Variants in ADAMTS9 observed in about 807,000 individuals in gnomAD.
ADAMTS9 encodes ADAM metallopeptidase with thrombospondin type 1 motif 9.
ADAMTS9 carries 107 observed loss-of-function variants against 257.1 expected under a neutral mutation model. The ratio of observed to expected loss-of-function variants is 0.42; its 90% confidence interval spans 0.36 to 0.49. ADAMTS9 has a LOEUF of 0.49. Ranked by LOEUF, ADAMTS9 falls within the 20% of genes least tolerant of loss-of-function variation. The probability of loss-of-function intolerance (pLI) is 0.03; values close to 1 mark genes in which losing one functional copy is unlikely to be tolerated. For missense variants in ADAMTS9, 2,353 were observed against 2,469.1 expected, an observed-to-expected ratio of 0.95 and a Z score of 1.00; for synonymous variants, 982 against 880.9, an observed-to-expected ratio of 1.11 and a Z score of -2.03.
chr3:64,653,742 T>C (rs145966734), intron 8 of ADAMTS9, among the ~76,000 whole-genome samples: 35 of 152,304 alleles, frequency 2.3e-4, no homozygotes, highest in African/African-American at 7.2e-4. Context: ...TTTTGCCCCA[T>C]GTTCTAACCG....
At position 64,654,257 on chromosome 3, in the gene ADAMTS9, T is replaced by C; in HGVS notation, c.1316+96A>G. ...ACTCTACTATGACTCGGGAAGTCTC[T>C]TACACACTCGAAAGTCAAGTAAATG... On this transcript the variant is annotated intron_variant, in intron 8 of 39. Transcript: ENST00000498707. 1.1e-5 allele frequency: 14 copies of C among 1,241,508 alleles called. 1 individual carries two copies. In the South Asian group the frequency reaches 1.8e-4, roughly 16 times the overall value. The allele number at this position is 1,241,508 out of a possible 1,614,324, so 76.9% of individuals were successfully genotyped here. A position where few individuals can be genotyped will look rare whatever the true frequency, so the allele number is the denominator to read the frequency against.
intron 32 of ADAMTS9, among the ~76,000 whole-genome samples, chr3:64,546,189 C>T (rs1435611435): frequency 3.6e-4 from 54 of 151,748 alleles, no homozygotes; most frequent in Admixed American, 3.5e-3. Flanking sequence ...TATATATAGG[C>T]TGAGTATCCC....
At chr3:64,592,843 A>T (rs942973677) in intron 28 of ADAMTS9, 1 of 152,034 alleles carries the variant, frequency 6.6e-6, no homozygotes, top group African/African-American at 2.4e-5. Context: ...CTAAAACATA[A>T]CTCTGGTACT....
intron 23 of ADAMTS9, among the ~76,000 whole-genome samples, chr3:64,605,826 T>A (rs555854628): frequency 1.7e-4 from 26 of 152,324 alleles, no homozygotes; most frequent in Admixed American, 1.3e-3. Flanking sequence ...TGTACATATA[T>A]GCTTATTTAT....
At chr3:64,594,001 G>GTT (rs2084312657) in intron 28 of ADAMTS9, among the ~76,000 whole-genome samples, 1 of 144,232 alleles carries the variant, frequency 6.9e-6, no homozygotes. Context: ...GTGTGTGTGT[G>GTT]TATTTAGGCT....
At chr3:64,551,154 G>A in intron 30 of ADAMTS9, 92 bp from the exon 31 acceptor site, 2 of 1,394,478 alleles carry the variant, frequency 1.4e-6, no homozygotes, top group South Asian at 1.4e-5. Flanking sequence ...TAGCCTTTAA[G>A]ATCATAAGAG....
chr3:64,584,405 A>G (rs138264069), intron 28 of ADAMTS9, among the ~76,000 whole-genome samples: 1 of 152,148 alleles, frequency 6.6e-6, no homozygotes, highest in East Asian at 1.9e-4. Context: ...GAAAGAGAAA[A>G]TCATGGGAAA....
intron 31 of ADAMTS9, among the ~76,000 whole-genome samples, chr3:64,548,503 A>G (rs1413665227): frequency 6.6e-6 from 1 of 152,106 alleles, no homozygotes; most frequent in Non-Finnish European, 1.5e-5. Flanking sequence ...AGTCCATACT[A>G]ACTTAAACAA....
At chr3:64,557,001 CA>C (rs2083346375) in intron 30 of ADAMTS9, among the ~76,000 whole-genome samples, 1 of 152,138 alleles carries the variant, frequency 6.6e-6, no homozygotes, top group East Asian at 1.9e-4. Context: ...GAAAAACAGG[CA>C]ATGAGAATTC....
intron 3 of ADAMTS9, among the ~76,000 whole-genome samples, chr3:64,662,594 T>C (rs1701251115): frequency 6.6e-6 from 1 of 152,182 alleles, no homozygotes; most frequent in Admixed American, 6.5e-5. Context: ...ATCAGGTGCA[T>C]ACATGTTTAT....
Position 64,686,525 on chromosome 3 carries a change from C to A in ADAMTS9, c.516+43G>T, listed in dbSNP as rs1275391529. ...GACAATTAAGTCTTCTAGAAGCGGG[C>A]GAGGAGGCGGAAGGGGAGAGGAGGT... On this transcript the variant is annotated intron_variant, in intron 2 of 39. Coordinates refer to ENST00000498707, the MANE Select transcript of ADAMTS9 (RefSeq NM_182920.2). The surrounding 1 kb of genome is among the most constrained non-coding windows in gnomAD (Gnocchi z 4.6). 3 of 1,537,770 alleles carry A rather than the reference C, an allele frequency of 2.0e-6. No homozygotes were observed. Among genetic ancestry groups the A allele is most frequent in the Non-Finnish European group, 1.8e-6 (2 of 1,140,888 alleles).
intron 28 of ADAMTS9, chr3:64,584,224 G>A (rs538341352): frequency 6.6e-6 from 1 of 152,178 alleles, no homozygotes; most frequent in South Asian, 2.1e-4. Context: ...ATTAAGAAAA[G>A]GCAGAGTCTG....
At chr3:64,681,994 T>G (rs1701769784) in intron 2 of ADAMTS9, among the ~76,000 whole-genome samples, 1 of 152,160 alleles carries the variant, frequency 6.6e-6, no homozygotes, top group Non-Finnish European at 1.5e-5. Context: ...GTCTTCCCAT[T>G]GATTCAAATT....
chr3:64,530,640 C>T (rs376887879), intron 38 of ADAMTS9, among the ~76,000 whole-genome samples: 2 of 151,962 alleles, frequency 1.3e-5, no homozygotes, highest in African/African-American at 4.8e-5. Flanking sequence ...TCATTCTTTC[C>T]ATAAGGTGGC....
chr3:64,674,050 C>T (rs1701561354), intron 3 of ADAMTS9, among the ~76,000 whole-genome samples: 1 of 151,036 alleles, frequency 6.6e-6, no homozygotes, highest in Non-Finnish European at 1.5e-5. Flanking sequence ...TTTTTACTAC[C>T]TCTTAATGAC....
rs1028057565 is a variant in ADAMTS9 at position 64,568,360 on chromosome 3, T to C, written c.4524+8A>G. The C allele has an allele frequency of 6.2e-7, 1 of 1,607,394 alleles. No individual in the cohort carries two copies. Among genetic ancestry groups the C allele is most frequent in the Admixed American group, 1.7e-5 (1 of 57,940 alleles). On this transcript the variant is annotated splice_region_variant and intron_variant, in intron 29 of 39. Coordinates refer to ENST00000498707, the MANE Select transcript of ADAMTS9 (RefSeq NM_182920.2). Reference sequence around the variant, plus strand: ...GGAAGCAGTCAGTAGAGGAGAAGCATTGCTCACCTGACTCCAAGCGCCAGC... The same window carrying C: ...GGAAGCAGTCAGTAGAGGAGAAGCACTGCTCACCTGACTCCAAGCGCCAGC...
intron 27 of ADAMTS9, among the ~76,000 whole-genome samples, chr3:64,595,311 T>C (rs966335147): frequency 4.6e-5 from 7 of 152,316 alleles, no homozygotes; most frequent in Non-Finnish European, 1.0e-4. Context: ...GTGGGAACAC[T>C]GGATAAGGTT....
rs2084476825 is a variant in ADAMTS9, at chr3:64,602,230, G to A, written c.3748-17C>T. On this transcript the variant is annotated splice_polypyrimidine_tract_variant and intron_variant, in intron 25 of 39. Transcript: ENST00000498707. Reference sequence around the variant, plus strand: ...CACAGAGCACTAGGTTGAATGTTCAGAAAGAGAAAGGGTCAGTCATTTGGT... The same window carrying A: ...CACAGAGCACTAGGTTGAATGTTCAAAAAGAGAAAGGGTCAGTCATTTGGT... The A allele has an allele frequency of 6.2e-7, 1 of 1,611,500 alleles. No individual in the cohort carries two copies. The highest frequency in any genetic ancestry group is 1.3e-5 in the African/African-American group (1 of 74,858).
At chr3:64,560,516 C>G (rs764379626) in intron 30 of ADAMTS9, among the ~76,000 whole-genome samples, 3 of 152,196 alleles carry the variant, frequency 2.0e-5, no homozygotes, top group African/African-American at 7.2e-5. Flanking sequence ...ACAAGCTTAG[C>G]ATGAAGTCTT....
Sources: allele counts gnomAD v4.1 joint callset (sites outside exome capture counted in the v4.1 genomes callset), GRCh38; gene constraint gnomAD v4.1.1; non-coding constraint Gnocchi (gnomAD v3.1); transcripts MANE v1.5; gene names NCBI Gene and HGNC (gene_info 2026-07-23, HGNC 2026-07-21).